The following UNC5CL variants were observed in gnomAD, a reference collection of about 807,000 sequenced individuals.
The protein encoded by UNC5CL is UNC5C-like protein.
In UNC5CL, 42 loss-of-function variants were observed where a neutral mutation model predicts 54.1. The observed-to-expected ratio is 0.78, with a 90% CI of 0.61 to 1.00. UNC5CL has a LOEUF of 1.00. Among genes scored for constraint, UNC5CL ranks in the 50% least tolerant of loss-of-function variants. The pLI is 0.00. For missense variants in UNC5CL, 619 were observed against 675.6 expected, an observed-to-expected ratio of 0.92 and a Z score of 0.93; for synonymous variants, 285 against 285.1, an observed-to-expected ratio of 1.00 and a Z score of 0.00.
At chr6:41,033,621 T>C (rs1232155330) in intron 3 of UNC5CL, 1 of 565,032 alleles carries the variant, frequency 1.8e-6, no homozygotes, top group East Asian at 2.9e-5. Flanking sequence ...CCCTCTTAGA[T>C]GGAGAGATGG....
Position 41,033,968 on chromosome 6 carries a change from A to C in UNC5CL, c.599T>G (p.Leu200Arg), listed in dbSNP as rs1444732329. 1 of 1,614,178 alleles carries C rather than the reference A, an allele frequency of 6.2e-7. No individual in the cohort carries two copies. Among genetic ancestry groups the C allele is most frequent in the East Asian group, 2.2e-5 (1 of 44,880 alleles). ...HARTYSSNTTLLDAKVWRPLG... is the reference protein window; with the variant it reads ...HARTYSSNTTRLDAKVWRPLG... ...GGGCCTCCATACCTTGGCATCCAGC[A>C]GGGTAGTGTTGCTGCTGTAGGTGCG... Residue 200 changes from leucine to arginine, a missense_variant, in exon 3 of 9, where the codon CTG becomes CGG. Transcript: ENST00000244565.
In UNC5CL at chr6:41,039,180, G is replaced by A. The variant is rs940159326; in HGVS notation, c.-80C>T. The A allele has an allele frequency of 6.6e-6, 1 of 152,230 alleles. No homozygotes were observed. Among genetic ancestry groups the A allele is most frequent in the Non-Finnish European group, 1.5e-5 (1 of 68,070 alleles). The allele number at this position is 152,230 out of a possible 1,614,324, so 9.4% of individuals were successfully genotyped here. A position where few individuals can be genotyped will look rare whatever the true frequency, so the allele number is the denominator to read the frequency against. ...AACTTACCGTCTAGGAGCTCTTAGA[G>A]GCTGCTGGCTGGTCCAGTTCCTTCT... is the stretch of plus-strand genomic sequence containing the variant. On this transcript the variant is annotated 5_prime_UTR_variant, in exon 1 of 9. Coordinates refer to ENST00000244565, the MANE Select transcript of UNC5CL (RefSeq NM_173561.3).
At chr6:41,030,146 C>T (rs1385377415) in intron 8 of UNC5CL, among the ~76,000 whole-genome samples, 2 of 152,222 alleles carry the variant, frequency 1.3e-5, no homozygotes, top group Admixed American at 6.5e-5. Flanking sequence ...CAAATAACTT[C>T]CATGTTAATG....
In UNC5CL at chr6:41,029,801, A is replaced by G. The variant is rs1762431870; in HGVS notation, c.1334+587T>C. ...CAGTGAGCCAAGATTGCGCCATTGC[A>G]CTCCAGCCTGGGCGACAGAGCAAGA... On this transcript the variant is annotated intron_variant, in intron 8 of 8. Coordinates refer to ENST00000244565, the MANE Select transcript of UNC5CL (RefSeq NM_173561.3). The surrounding 1 kb of genome is among the most constrained non-coding windows in gnomAD (Gnocchi z 4.1). 1.3e-5 allele frequency among the ~76,000 whole-genome samples: 2 copies of G among 152,022 alleles called. No individual in the cohort carries two copies. Among genetic ancestry groups the G allele is most frequent in the Admixed American group, 1.3e-4 (2 of 15,270 alleles).
chr6:41,031,201 C>T (rs1447311012), intron 6 of UNC5CL, among the ~76,000 whole-genome samples: 1 of 152,178 alleles, frequency 6.6e-6, no homozygotes, highest in Admixed American at 6.5e-5. Flanking sequence ...CTCTCAACTC[C>T]GATTTCTTCG....
In UNC5CL at chr6:41,030,753, G is replaced by A. The variant is rs1762445690; in HGVS notation, c.1122C>T (p.Gly374=). Residue 374 remains glycine, a splice_region_variant and synonymous_variant, in exon 7 of 9, where the codon GGC becomes GGT. Coordinates refer to ENST00000244565, the MANE Select transcript of UNC5CL (RefSeq NM_173561.3). ...IIVTMHTFQD[G]LETKYMEILR... ...GGATTTCCATATACTTGGTCTCCAA[G>A]CCCTGAGTCAACACAGGGCAGGGAA... 6.2e-7 allele frequency: 1 copy of A among 1,613,954 alleles called. No homozygotes were observed.
At chr6:41,035,664 G>T (rs1163712450) in intron 1 of UNC5CL, among the ~76,000 whole-genome samples, 3 of 152,348 alleles carry the variant, frequency 2.0e-5, no homozygotes, top group Non-Finnish European at 4.4e-5. Context: ...ATTACATGCA[G>T]TAAGGGGTGG....
chr6:41,032,604 CA>C (rs1230305435), intron 4 of UNC5CL, among the ~76,000 whole-genome samples: 1 of 152,082 alleles, frequency 6.6e-6, no homozygotes, highest in South Asian at 2.1e-4. Context: ...ACCAAAAATA[CA>C]AAAAAATTAG....
At chr6:41,035,890 T>C (rs1474426308) in intron 1 of UNC5CL, among the ~76,000 whole-genome samples, 1 of 152,236 alleles carries the variant, frequency 6.6e-6, no homozygotes, top group Non-Finnish European at 1.5e-5. Flanking sequence ...TACTGCTTAA[T>C]GTACCTCAGT....
rs1194177665 is a variant in UNC5CL at position 41,034,745 on chromosome 6, G to C, written c.330C>G (p.His110Gln). Residue 110 changes from histidine (H) to glutamine (Q), a missense_variant, in exon 2 of 9, where the codon CAC (histidine) becomes CAG (glutamine). Coordinates refer to ENST00000244565, the MANE Select transcript of UNC5CL (RefSeq NM_173561.3). ...CCTGGAGCATCAGGCAACCGCCGCGGTGATCCACCTCTCGAGCCGAAAACA... is the reference window on the plus strand; with the variant it reads ...CCTGGAGCATCAGGCAACCGCCGCGCTGATCCACCTCTCGAGCCGAAAACA... ...LLVFSAREVD[H>Q]RGGCLMLQDT... is the part of the protein sequence containing the mutation. The C allele has an allele frequency of 1.2e-6, 2 of 1,611,232 alleles. No individual in the cohort carries two copies. The highest frequency in any genetic ancestry group is 1.7e-6 in the Non-Finnish European group (2 of 1,180,012).
intron 3 of UNC5CL, 88 bp downstream of exon 3, chr6:41,033,793 T>G (rs558562921): frequency 2.1e-6 from 3 of 1,429,530 alleles, no homozygotes; most frequent in African/African-American, 1.4e-5. Flanking sequence ...TACAGAGAGA[T>G]GAAGATAAGG....
intron 1 of UNC5CL, among the ~76,000 whole-genome samples, chr6:41,035,910 T>C (rs1762518191): frequency 6.6e-6 from 1 of 152,250 alleles, no homozygotes; most frequent in African/African-American, 2.4e-5. Context: ...TTTCCTCATC[T>C]GTCCAAATAT....
chr6:41,033,131 C>T lies in UNC5CL; in HGVS notation c.702G>A (p.Val234=). 1 of 1,613,172 alleles carries T rather than the reference C, an allele frequency of 6.2e-7. No individual in the cohort carries two copies. Among genetic ancestry groups the T allele is most frequent in the African/African-American group, 1.3e-5 (1 of 75,058 alleles). The change falls in exon 4 of 9, where the codon GTG becomes GTA. Residue 234 remains valine (V), a synonymous_variant. Transcript: ENST00000244565. Reference sequence around the variant, plus strand: ...CTTCGCGCCCCACAGGTGCCTCCAGCACACAGGTGTAGAGGCTGCAGAGGG... The same window carrying T: ...CTTCGCGCCCCACAGGTGCCTCCAGTACACAGGTGTAGAGGCTGCAGAGGG... ...HLSHFSLYTC[V]LEAPVGREAR...
rs201101797 is a variant in UNC5CL, at chr6:41,028,329, C to T, written c.*44G>A. ...GTTCCTCTTAGGCGTAGGAGAACAACCCCTCTCGCCCCTACACCTCCTCCG... is the reference window on the plus strand; with the variant it reads ...GTTCCTCTTAGGCGTAGGAGAACAATCCCTCTCGCCCCTACACCTCCTCCG... On this transcript the variant is annotated 3_prime_UTR_variant, in exon 9 of 9. Coordinates refer to ENST00000244565, the MANE Select transcript of UNC5CL (RefSeq NM_173561.3). This position sits in a 1 kb window ranked among gnomAD's most constrained non-coding sequence, Gnocchi z 4.3. 75 of 1,494,088 alleles carry T rather than the reference C, an allele frequency of 5.0e-5. No individual in the cohort carries two copies. The African/African-American group carries it at 8.3e-4, about 17-fold the overall frequency. 92.6% of individuals were successfully genotyped at this position (1,494,088 alleles called of 1,614,324 possible).
Position 41,032,156 on chromosome 6 carries a change from G to GC in UNC5CL, c.950-20dup. On this transcript the variant is annotated intron_variant, in intron 4 of 8. Coordinates refer to ENST00000244565, the MANE Select transcript of UNC5CL (RefSeq NM_173561.3). Reference sequence around the variant, plus strand: ...TCCCAACCTGGTGAGTAGGCAGACAGCAGAGGGCCTCAGAGAGTGGGGCCT... The same window carrying GC: ...TCCCAACCTGGTGAGTAGGCAGACAGCCAGAGGGCCTCAGAGAGTGGGGCCT... 1 of 1,607,462 alleles carries GC rather than the reference G, an allele frequency of 6.2e-7. No individual in the cohort carries two copies. The highest frequency in any genetic ancestry group is 8.5e-7 in the Non-Finnish European group (1 of 1,174,000).
rs751743569 is a variant in UNC5CL, at chr6:41,029,172, C to T, written c.1335-577G>A. Among the ~76,000 whole-genome samples the T allele has an allele frequency of 7.2e-5, 11 of 152,144 alleles. No homozygotes were observed. The highest frequency in any genetic ancestry group is 1.3e-4 in the Non-Finnish European group (9 of 68,028). ...TGTCTTTATGCTTTCTCTCCTTTCT[C>T]CCATCCTGAACCCCCTTAGCTCAGG... On this transcript the variant is annotated intron_variant, in intron 8 of 8. Transcript: ENST00000244565. This position sits in a 1 kb window ranked among gnomAD's most constrained non-coding sequence, Gnocchi z 4.1.
At chr6:41,033,195 C>A in intron 3 of UNC5CL, 49 bp from the exon 4 acceptor site, 1 of 1,576,338 alleles carries the variant, frequency 6.3e-7, no homozygotes, top group Non-Finnish European at 8.6e-7. Context: ...AAGGCTAAGA[C>A]ACCAACACAC....
chr6:41,037,084 C>T (rs529005897), intron 1 of UNC5CL, among the ~76,000 whole-genome samples: 1 of 152,234 alleles, frequency 6.6e-6, no homozygotes, highest in Admixed American at 6.5e-5. Flanking sequence ...CCTCTCCCTA[C>T]GTGGATCCTC....
rs368494080 is a variant in UNC5CL, at chr6:41,031,693, G to A, written c.1107C>T (p.His369=). 4.3e-6 allele frequency: 7 copies of A among 1,614,182 alleles called. No individual in the cohort carries two copies. The highest frequency in any genetic ancestry group is 1.7e-5 in the Admixed American group (1 of 60,036). ...AGCTCCAACTCACATCCTGGAAGGT[G>A]TGCATGGTGACAATGATCTCATTGG... is the stretch of plus-strand genomic sequence containing the variant. ...ALTNEIIVTM[H]TFQDGLETKY... is the part of the protein sequence containing the mutation. The change falls in exon 6 of 9, where the codon CAC becomes CAT. Residue 369 remains histidine, a synonymous_variant. Transcript: ENST00000244565.
Sources: gnomAD v4.1 joint callset for allele counts (sites outside exome capture counted in the v4.1 genomes callset) on GRCh38, gnomAD v4.1.1 for gene constraint, Gnocchi (gnomAD v3.1) non-coding constraint, MANE v1.5 for transcripts, NCBI Gene and HGNC (gene_info 2026-07-23, HGNC 2026-07-21) for gene names.